The following CSN1S1 variants were observed in gnomAD, a reference collection of about 807,000 sequenced individuals.
CSN1S1 encodes alpha-S1-casein.
Under a neutral mutation model 49.1 loss-of-function variants are expected in CSN1S1, and 63 were observed. The ratio of observed to expected loss-of-function variants is 1.28; its 90% CI spans 1.05 to 1.58. The LOEUF is 1.58. Ranked by LOEUF, CSN1S1 falls within the 40% of genes most tolerant of loss-of-function variation. CSN1S1 has a pLI of 0.00. For missense variants in CSN1S1, 260 were observed against 224.7 expected, an observed-to-expected ratio of 1.16 and a Z score of -1.01; for synonymous variants, 78 against 67.1, an observed-to-expected ratio of 1.16 and a Z score of -0.79.
In CSN1S1 at chr4:69,934,140, A is replaced by G; in HGVS notation, c.52-72A>G. 3.5e-6 allele frequency: 4 copies of G among 1,152,448 alleles called. No homozygotes were observed. The South Asian group carries it at 3.9e-5, about 11-fold the overall frequency. 71.4% of individuals were successfully genotyped at this position (1,152,448 alleles called of 1,614,324 possible). On this transcript the variant is annotated intron_variant, in intron 2 of 15. Coordinates refer to ENST00000246891, the MANE Select transcript of CSN1S1 (RefSeq NM_001890.2). ...GCAGTGTCAAAAATCATCGTATTAT[A>G]TGTGTATTATTATATTGTTATTGTC...
Position 69,934,235 on chromosome 4 carries a change from A to G in CSN1S1, c.75A>G (p.Glu25=). 1 of 1,611,208 alleles carries G rather than the reference A, an allele frequency of 6.2e-7. No individual in the cohort carries two copies. The highest frequency in any genetic ancestry group is 8.5e-7 in the Non-Finnish European group (1 of 1,178,402). ...ARPKLPLRYP[E]RLQNPSESSE... ...AGAAACTTCCTCTTAGATACCCAGAACGCCTTCAGGTAAATATTCTATTCT... is the reference window on the plus strand; with the variant it reads ...AGAAACTTCCTCTTAGATACCCAGAGCGCCTTCAGGTAAATATTCTATTCT... Residue 25 remains glutamate, a synonymous_variant, in exon 3 of 16, where the codon GAA becomes GAG. Coordinates refer to ENST00000246891, the MANE Select transcript of CSN1S1 (RefSeq NM_001890.2).
chr4:69,945,285 A>G (rs1213335607), intron 15 of CSN1S1, among the ~76,000 whole-genome samples: 1 of 152,016 alleles, frequency 6.6e-6, no homozygotes, highest in Non-Finnish European at 1.5e-5. Context: ...TTAAAAATAT[A>G]AAGACTTCTG....
At position 69,945,023 on chromosome 4, in the gene CSN1S1, C is replaced by A. The variant is rs752420934; in HGVS notation, c.557+19C>A. 3 of 1,609,998 alleles carry A rather than the reference C, an allele frequency of 1.9e-6. No individual in the cohort carries two copies. Among genetic ancestry groups the A allele is most frequent in the Non-Finnish European group, 2.5e-6 (3 of 1,177,006 alleles). Reference sequence around the variant, plus strand: ...AGTGGTGGTAAGTTCATTTAAATTACTACATCTTGATGTTCTACCAAAGGA... The same window carrying A: ...AGTGGTGGTAAGTTCATTTAAATTAATACATCTTGATGTTCTACCAAAGGA... On this transcript the variant is annotated intron_variant, in intron 15 of 15. Transcript: ENST00000246891.
intron 12 of CSN1S1, among the ~76,000 whole-genome samples, 174 bp from the exon 13 acceptor site, chr4:69,941,872 A>T (rs1253572971): frequency 6.6e-6 from 1 of 151,902 alleles, no homozygotes; most frequent in African/African-American, 2.4e-5. Context: ...GCTAGTCTGT[A>T]ACCTCCACAA....
intron 9 of CSN1S1, among the ~76,000 whole-genome samples, chr4:69,938,463 A>T (rs202002913): frequency 5.8e-5 from 2 of 34,722 alleles, no homozygotes; most frequent in Non-Finnish European, 1.8e-4. Flanking sequence ...CTCCTTGGGC[A>T]GAAAGAATCT....
intron 11 of CSN1S1, among the ~76,000 whole-genome samples, chr4:69,940,303 G>A (rs1722933827): frequency 6.6e-6 from 1 of 151,648 alleles, no homozygotes; most frequent in African/African-American, 2.4e-5. Context: ...CTAGTCTGAT[G>A]GGATCTAGAT....
chr4:69,943,431 C>T (rs1014957644), intron 14 of CSN1S1, among the ~76,000 whole-genome samples: 1 of 151,852 alleles, frequency 6.6e-6, no homozygotes, highest in Admixed American at 6.6e-5. Flanking sequence ...GTGATCCACT[C>T]GCCTTGGCCT....
Position 69,934,845 on chromosome 4 carries a change from G to A in CSN1S1, c.105+135G>A, listed in dbSNP as rs575082331. ...ATGCATCCAACAACTCAAGTACCTG[G>A]ATTGCTCTCTAAATTCTGTTTTGAT... On this transcript the variant is annotated intron_variant, in intron 4 of 15. Transcript: ENST00000246891. The A allele has an allele frequency of 6.7e-6, 5 of 748,282 alleles. No individual in the cohort carries two copies. In the South Asian group the frequency reaches 8.7e-5, roughly 13 times the overall value. The allele number at this position is 748,282 out of a possible 1,614,324, so 46.4% of individuals were successfully genotyped here. A position where few individuals can be genotyped will look rare whatever the true frequency, so the allele number is the denominator to read the frequency against.
chr4:69,943,045 GT>G (rs1239826962), intron 14 of CSN1S1, among the ~76,000 whole-genome samples: 17 of 146,276 alleles, frequency 1.2e-4, no homozygotes, highest in East Asian at 4.0e-4. Context: ...TTTACCCTCA[GT>G]TTTTTTTTTC....
chr4:69,936,719 A>G, intron 7 of CSN1S1, 112 bp downstream of exon 7: 1 of 922,130 alleles, frequency 1.1e-6, no homozygotes, highest in Non-Finnish European at 1.6e-6. Flanking sequence ...CCTTTCCTTG[A>G]ACTTTTCACT....
Position 69,937,835 on chromosome 4 carries a change from T to G in CSN1S1, c.243+12T>G. On this transcript the variant is annotated intron_variant, in intron 9 of 15. Coordinates refer to ENST00000246891, the MANE Select transcript of CSN1S1 (RefSeq NM_001890.2). ...TGGCAGAGCCTGAGGTAAGACCCAT[T>G]CATTCTAGTGAACTCTACACTTACG... The G allele has an allele frequency of 6.3e-7, 1 of 1,585,736 alleles. No homozygotes were observed.
chr4:69,943,327 G>A (rs79523208), intron 14 of CSN1S1, among the ~76,000 whole-genome samples: 17 of 151,774 alleles, frequency 1.1e-4, no homozygotes, highest in African/African-American at 2.4e-4. Flanking sequence ...TGGGATTACC[G>A]GCAAGCATCA....
chr4:69,941,809 T>C (rs1722975974), intron 12 of CSN1S1, among the ~76,000 whole-genome samples: 1 of 151,900 alleles, frequency 6.6e-6, no homozygotes, highest in South Asian at 2.1e-4. Context: ...TTCATCATTA[T>C]TGATCTAGAA....
chr4:69,940,758 T>C (rs72852688), intron 11 of CSN1S1, among the ~76,000 whole-genome samples: 4,088 of 151,930 alleles, frequency 0.027, 65 homozygotes, highest in East Asian at 0.048. Context: ...TCTGATATAT[T>C]GTAACTAAAA....
Position 69,934,248 on chromosome 4 carries a change from A to G in CSN1S1, c.84+4A>G. 6.2e-7 allele frequency: 1 copy of G among 1,610,714 alleles called. No homozygotes were observed. The highest frequency in any genetic ancestry group is 8.5e-7 in the Non-Finnish European group (1 of 1,178,036). Reference sequence around the variant, plus strand: ...TAGATACCCAGAACGCCTTCAGGTAAATATTCTATTCTGCATTCCAAGAAC... The same window carrying G: ...TAGATACCCAGAACGCCTTCAGGTAGATATTCTATTCTGCATTCCAAGAAC... On this transcript the variant is annotated splice_donor_region_variant and intron_variant, in intron 3 of 15. Transcript: ENST00000246891.
intron 1 of CSN1S1, among the ~76,000 whole-genome samples, chr4:69,931,507 T>C (rs1223837959): frequency 6.6e-6 from 1 of 151,926 alleles, no homozygotes; most frequent in African/African-American, 2.4e-5. Context: ...GCAGAATAGT[T>C]CAAGGCCATT....
rs951085739 is a variant in CSN1S1, at chr4:69,931,546, T to C, written c.-13+429T>C. Among the ~76,000 whole-genome samples the C allele has an allele frequency of 2.0e-5, 3 of 151,940 alleles. No homozygotes were observed. The East Asian group carries it at 5.8e-4, about 29-fold the overall frequency. On this transcript the variant is annotated intron_variant, in intron 1 of 15. Transcript: ENST00000246891. ...GTTTCATGTCATTTGGGCAACAAAA[T>C]TAACTCTACAATGTGAATATCTATT...
chr4:69,944,035 A>G (rs564018027), intron 14 of CSN1S1, among the ~76,000 whole-genome samples: 1 of 151,718 alleles, frequency 6.6e-6, no homozygotes, highest in African/African-American at 2.4e-5. Context: ...CGGTCTCTCT[A>G]TTAAGAACAG....
chr4:69,941,448 G>A (rs531853371), intron 12 of CSN1S1, among the ~76,000 whole-genome samples: 1 of 151,834 alleles, frequency 6.6e-6, no homozygotes, highest in Non-Finnish European at 1.5e-5. Context: ...TAGATTCTGG[G>A]AAAGGAAACA....
Sources: allele counts gnomAD v4.1 joint callset (sites outside exome capture counted in the v4.1 genomes callset), GRCh38; gene constraint gnomAD v4.1.1; transcripts MANE v1.5; gene names NCBI Gene and HGNC (gene_info 2026-07-23, HGNC 2026-07-21).